Variants in DIS3L2 observed in about 807,000 individuals in gnomAD.
DIS3L2 encodes the protein DIS3-like exonuclease 2.
A neutral mutation model predicts 97.5 loss-of-function variants in DIS3L2; 34 were observed. That is an observed-to-expected ratio of 0.35 (90% CI 0.27 to 0.46). The LOEUF is 0.46. Ranked by LOEUF, DIS3L2 falls within the 20% of genes least tolerant of loss-of-function variation. DIS3L2 has a pLI of 1.00. For missense variants in DIS3L2, 1,038 were observed against 1,146.0 expected, an observed-to-expected ratio of 0.91 and a Z score of 1.36; for synonymous variants, 435 against 445.2, an observed-to-expected ratio of 0.98 and a Z score of 0.29.
In DIS3L2 at chr2:232,330,755, C is replaced by A. The variant is rs748211963; in HGVS notation, c.1989C>A (p.Asn663Lys). The A allele has an allele frequency of 5.0e-6, 8 of 1,612,354 alleles. No homozygotes were observed. The Admixed American group carries it at 1.0e-4, about 20-fold the overall frequency. ...TGGCCCGCAAGGAGGTGCTCACCAACATGTGCTCCCGGCCCATGCAGGTAA... is the reference window on the plus strand; with the variant it reads ...TGGCCCGCAAGGAGGTGCTCACCAAAATGTGCTCCCGGCCCATGCAGGTAA... ...YSLARKEVLT[N>K]MCSRPMQMAL... is the part of the protein sequence containing the mutation. The change falls in exon 16 of 21, where the codon AAC becomes AAA. Residue 663 changes from asparagine to lysine, a missense_variant. By Grantham distance (94) the Asn-to-Lys change is moderately conservative. Coordinates refer to ENST00000325385, the MANE Select transcript of DIS3L2 (RefSeq NM_152383.5).
exon 14 of DIS3L2, chr2:232,343,790 C>A: frequency 1.8e-6 from 1 of 541,764 alleles, no homozygotes; most frequent in East Asian, 3.1e-5. Flanking sequence ...CAGCAGATGC[C>A]AGGAAAGCCA....
At chr2:232,214,694 C>T (rs978434084) in intron 10 of DIS3L2, among the ~76,000 whole-genome samples, 1 of 152,182 alleles carries the variant, frequency 6.6e-6, no homozygotes, top group Admixed American at 6.5e-5. Flanking sequence ...GCCAGTTCCT[C>T]CTTATTGGGC....
intron 5 of DIS3L2, among the ~76,000 whole-genome samples, chr2:232,077,978 T>TTTC (rs1338096811): frequency 7.1e-6 from 1 of 139,904 alleles, no homozygotes; most frequent in Non-Finnish European, 1.5e-5. Flanking sequence ...TCTTTCTTTC[T>TTTC]TTCTTTCTTT....
At chr2:232,129,654 G>A (rs769946214) in intron 6 of DIS3L2, among the ~76,000 whole-genome samples, 4 of 152,166 alleles carry the variant, frequency 2.6e-5, no homozygotes, top group Non-Finnish European at 4.4e-5. Flanking sequence ...TCCAGAGTAC[G>A]CCCAGAATGG....
At chr2:232,065,999 A>G (rs149579236) in intron 5 of DIS3L2, among the ~76,000 whole-genome samples, 2,192 of 151,852 alleles carry the variant, frequency 0.014, 52 homozygotes, top group African/African-American at 0.045. Flanking sequence ...TTGTATATGT[A>G]TATGTATATA....
chr2:231,978,237 G>T (rs1389060781), intron 1 of DIS3L2, among the ~76,000 whole-genome samples: 1 of 152,208 alleles, frequency 6.6e-6, no homozygotes, highest in African/African-American at 2.4e-5. Flanking sequence ...ACAACCACCA[G>T]ATTAAGAAAA....
intron 6 of DIS3L2, among the ~76,000 whole-genome samples, chr2:232,102,793 T>C (rs1186095516): frequency 6.6e-6 from 1 of 152,190 alleles, no homozygotes; most frequent in African/African-American, 2.4e-5. Context: ...GCTCATCCCA[T>C]CTTTGGCCCT....
chr2:232,297,397 T>C (rs1694748685), intron 13 of DIS3L2, among the ~76,000 whole-genome samples: 1 of 152,170 alleles, frequency 6.6e-6, no homozygotes, highest in South Asian at 2.1e-4. Context: ...GCAAGAAGGA[T>C]GCTTAGATAC....
intron 14 of DIS3L2, among the ~76,000 whole-genome samples, chr2:232,304,041 G>A (rs1694927158): frequency 6.6e-6 from 1 of 152,162 alleles, no homozygotes; most frequent in South Asian, 2.1e-4. Flanking sequence ...GGTTCAACTA[G>A]TAAAGCTCTC....
intron 13 of DIS3L2, among the ~76,000 whole-genome samples, chr2:232,265,170 G>A (rs1258547489): frequency 2.6e-5 from 4 of 152,128 alleles, no homozygotes; most frequent in African/African-American, 9.7e-5. Flanking sequence ...CTTCTGACCT[G>A]CACCAGCCCC....
intron 11 of DIS3L2, among the ~76,000 whole-genome samples, chr2:232,240,579 A>G (rs774477681): frequency 1.4e-4 from 22 of 152,178 alleles, no homozygotes; most frequent in Non-Finnish European, 2.4e-4. Flanking sequence ...TCCGTACCAG[A>G]CTTTGCTTGT....
At chr2:232,013,812 C>G (rs1694278512) in intron 1 of DIS3L2, among the ~76,000 whole-genome samples, 1 of 152,222 alleles carries the variant, frequency 6.6e-6, no homozygotes, top group East Asian at 1.9e-4. Flanking sequence ...TCCCTTCTTT[C>G]AACTGGATTG....
chr2:232,223,131 T>G (rs567756005), intron 10 of DIS3L2, among the ~76,000 whole-genome samples: 65 of 152,304 alleles, frequency 4.3e-4, no homozygotes, highest in African/African-American at 1.4e-3. Flanking sequence ...GGTTCCAGTT[T>G]CCTTGCTCAT....
chr2:232,186,905 G>A (rs1046049132), intron 9 of DIS3L2, among the ~76,000 whole-genome samples: 2 of 152,070 alleles, frequency 1.3e-5, no homozygotes, highest in Admixed American at 6.5e-5. Flanking sequence ...CCTTGGATTG[G>A]CCAAGGAAGA....
chr2:232,010,681 G>A (rs909843016), intron 1 of DIS3L2, among the ~76,000 whole-genome samples: 1 of 151,846 alleles, frequency 6.6e-6, no homozygotes, highest in Non-Finnish European at 1.5e-5. Context: ...TCTGATACTC[G>A]TAAGTACTAA....
At chr2:232,252,478 G>A (rs1693445495) in intron 12 of DIS3L2, among the ~76,000 whole-genome samples, 2 of 152,212 alleles carry the variant, frequency 1.3e-5, no homozygotes, top group Non-Finnish European at 2.9e-5. Context: ...TCTACATTCT[G>A]TCTGTTAGAA....
chr2:232,210,232 T>C, intron 9 of DIS3L2, 94 bp from the exon 10 acceptor site: 1 of 935,118 alleles, frequency 1.1e-6, no homozygotes, highest in Non-Finnish European at 1.7e-6. Flanking sequence ...ACAGAGCACA[T>C]ATGCAAAATT....
At chr2:231,992,198 G>A (rs1693604719) in intron 1 of DIS3L2, among the ~76,000 whole-genome samples, 1 of 152,188 alleles carries the variant, frequency 6.6e-6, no homozygotes, top group Non-Finnish European at 1.5e-5. Flanking sequence ...CCAAGAGCTG[G>A]AGAAATTAGG....
chr2:232,244,431 A>G lies in DIS3L2; in HGVS notation c.1318-4808A>G, dbSNP rs550456833. On this transcript the variant is annotated intron_variant, in intron 11 of 20. Transcript: ENST00000325385. ...CTTAACAGAGGTAGGAAATGTAGTC[A>G]GTGGAACAGGTAAAGAAGGGAGGAA... Among the ~76,000 whole-genome samples, 6 of 152,350 alleles carry G rather than the reference A, an allele frequency of 3.9e-5. No individual in the cohort carries two copies. In the South Asian group the frequency reaches 1.2e-3, roughly 32 times the overall value.
Sources: gnomAD v4.1 joint callset for allele counts (sites outside exome capture counted in the v4.1 genomes callset) on GRCh38, gnomAD v4.1.1 for gene constraint, MANE v1.5 for transcripts, NCBI Gene and HGNC (gene_info 2026-07-23, HGNC 2026-07-21) for gene names.